Variants in BTBD3 observed in about 807,000 individuals in gnomAD.
The protein encoded by BTBD3 is BTB domain containing 3, also known as BTB/POZ domain-containing protein 3.
A neutral mutation model predicts 41.6 loss-of-function variants in BTBD3; 14 were observed. The ratio of observed to expected loss-of-function variants is 0.34; its 90% CI spans 0.22 to 0.53. The LOEUF is 0.53. BTBD3 is among the 20% of genes least tolerant of loss of function. The probability of loss-of-function intolerance (pLI) is 0.95; values close to 1 mark genes in which losing one functional copy is unlikely to be tolerated. For synonymous variants in BTBD3, 249 were observed against 233.7 expected (o/e 1.07, Z -0.60); for missense variants, 426 against 654.7 (o/e 0.65, Z 3.81).
chr20:11,894,642 C>T (rs58165741), intron 1 of BTBD3, among the ~76,000 whole-genome samples: 50,581 of 150,924 alleles, frequency 0.34, 8,583 homozygotes, highest in Non-Finnish European at 0.37. Context: ...TTTTAGTTTT[C>T]TTTTTTTTCT....
rs376799319 is a variant in BTBD3, at chr20:11,919,383, T to TC, written c.417+211dup. The TC allele has an allele frequency of 8.3e-3, 11,757 of 1,409,718 alleles. 57 individuals are homozygous for TC. The highest frequency in any genetic ancestry group is 9.9e-3 in the Non-Finnish European group (10,728 of 1,087,774). 87.3% of individuals were successfully genotyped at this position (1,409,718 alleles called of 1,614,324 possible). On this transcript the variant is annotated intron_variant, in intron 2 of 3. Transcript: ENST00000378226. ...TCTATACTGCTTTATATCTCACACA[T>TC]CCCCTCTTAACTCTCCAGACATGGG...
intron 1 of BTBD3, among the ~76,000 whole-genome samples, chr20:11,896,787 T>A (rs2056789615): frequency 6.6e-6 from 1 of 152,204 alleles, no homozygotes; most frequent in Admixed American, 6.5e-5. Flanking sequence ...TTAAATTGGA[T>A]CAAAATTTTC....
At position 11,924,044 on chromosome 20, in the gene BTBD3, C is replaced by A; in HGVS notation, c.*378C>A. On this transcript the variant is annotated 3_prime_UTR_variant, in exon 4 of 4. Coordinates refer to ENST00000378226, the MANE Select transcript of BTBD3 (RefSeq NM_014962.4). The stretch of plus-strand genomic sequence containing the variant: ...TTGATGAACAGAAATAAAGTGATAA[C>A]AAGAGTTATTTTTAAACAGAACTCC... 1 of 173,622 alleles carries A rather than the reference C, an allele frequency of 5.8e-6. No individual in the cohort carries two copies. Among genetic ancestry groups the A allele is most frequent in the Non-Finnish European group, 1.2e-5 (1 of 81,364 alleles). The allele number at this position is 173,622 out of a possible 1,614,324, so 10.8% of individuals were successfully genotyped here. A position where few individuals can be genotyped will look rare whatever the true frequency, so the allele number is the denominator to read the frequency against.
chr20:11,923,563 T>C lies in BTBD3; in HGVS notation c.1466T>C (p.Val489Ala), dbSNP rs1291432533. Residue 489 changes from valine to alanine, a missense_variant, in exon 4 of 4, where the codon GTT becomes GCT. Around this residue, in one of 3 missense-constraint regions of BTBD3, gnomAD observed 321 missense variants for 534.8 expected, o/e 0.60. Coordinates refer to ENST00000378226, the MANE Select transcript of BTBD3 (RefSeq NM_014962.4). The surrounding 1 kb of genome is among the most constrained non-coding windows in gnomAD (Gnocchi z 5.3). ...SYFGQEGMTE[V>A]QCGKVTVQFQ... is the part of the protein sequence containing the mutation. ...TTTGGACAAGAAGGCATGACAGAAG[T>C]TCAGTGTGGCAAAGTGACTGTCCAG... 5 of 1,614,114 alleles carry C rather than the reference T, an allele frequency of 3.1e-6. No individual in the cohort carries two copies. The highest frequency in any genetic ancestry group is 1.1e-5 in the South Asian group (1 of 91,068).
Position 11,924,646 on chromosome 20 carries a change from A to G in BTBD3, c.*980A>G, listed in dbSNP as rs1181648698. The G allele has an allele frequency of 6.6e-6, 1 of 152,656 alleles. No individual in the cohort carries two copies. The highest frequency in any genetic ancestry group is 2.4e-5 in the African/African-American group (1 of 41,460). The allele number at this position is 152,656 out of a possible 1,614,324, so 9.5% of individuals were successfully genotyped here. A position where few individuals can be genotyped will look rare whatever the true frequency, so the allele number is the denominator to read the frequency against. On this transcript the variant is annotated 3_prime_UTR_variant, in exon 4 of 4. Coordinates refer to ENST00000378226, the MANE Select transcript of BTBD3 (RefSeq NM_014962.4). ...AAAAGAGGACCAAACAATTCTTTAT[A>G]CAAATGGAGTAGCAACTAGTTTTGT...
chr20:11,925,119 A>AGT lies in BTBD3; in HGVS notation c.*1457_*1458dup, dbSNP rs1171457719. The AGT allele has an allele frequency of 1.3e-5, 2 of 152,646 alleles. No homozygotes were observed. The highest frequency in any genetic ancestry group is 4.8e-5 in the African/African-American group (2 of 41,422). The allele number at this position is 152,646 out of a possible 1,614,324, so 9.5% of individuals were successfully genotyped here. Reference sequence around the variant, plus strand: ...AGATGGCTTCCCCGCCGCCACCCAGAGTGTGGTCCTTGGCCGCCTCCTGCT... The same window carrying AGT: ...AGATGGCTTCCCCGCCGCCACCCAGAGTGTGTGGTCCTTGGCCGCCTCCTGCT... On this transcript the variant is annotated 3_prime_UTR_variant, in exon 4 of 4. Transcript: ENST00000378226.
intron 2 of BTBD3, chr20:11,919,442 T>G: frequency 7.1e-7 from 1 of 1,410,050 alleles, no homozygotes; most frequent in Non-Finnish European, 9.2e-7. Context: ...AGTCGTATGT[T>G]TACCCTTCTC....
rs1309199103 is a variant in BTBD3 at position 11,890,938 on chromosome 20, G to A, written c.-142G>A. On this transcript the variant is annotated 5_prime_UTR_variant, in exon 1 of 5. Coordinates refer to the BTBD3 transcript ENST00000254977. ...GGCGGACGGCTGCGTCGCCCGAGGC[G>A]AGGAGGAGCGCTGGCGGTGAGTGAG... 8 of 984,382 alleles carry A rather than the reference G, an allele frequency of 8.1e-6. No individual in the cohort carries two copies. The South Asian group carries it at 2.8e-4, about 35-fold the overall frequency. The allele number at this position is 984,382 out of a possible 1,614,324, so 61.0% of individuals were successfully genotyped here. A position where few individuals can be genotyped will look rare whatever the true frequency, so the allele number is the denominator to read the frequency against.
intron 1 of BTBD3, among the ~76,000 whole-genome samples, chr20:11,906,632 C>CA (rs1334373750): frequency 6.6e-6 from 1 of 152,132 alleles, no homozygotes. Flanking sequence ...GTAAAAAAGT[C>CA]AAACACCTGA....
intron 1 of BTBD3, among the ~76,000 whole-genome samples, chr20:11,897,063 T>G (rs2056791268): frequency 6.6e-6 from 1 of 152,184 alleles, no homozygotes; most frequent in African/African-American, 2.4e-5. Flanking sequence ...TGCCTTCCCT[T>G]CTATACCGCT....
rs1395237383 is a variant in BTBD3 at position 11,922,835 on chromosome 20, G to A, written c.738G>A (p.Glu246=). Residue 246 remains glutamate, a synonymous_variant, in exon 4 of 4, where the codon GAG becomes GAA. Coordinates refer to ENST00000378226, the MANE Select transcript of BTBD3 (RefSeq NM_014962.4). ...CAGACCTGACCCAGCGTTGCTGGGAGGTGATTGATGCCCAGGCTGAGTTAG... is the reference window on the plus strand; with the variant it reads ...CAGACCTGACCCAGCGTTGCTGGGAAGTGATTGATGCCCAGGCTGAGTTAG... ...EEPDLTQRCW[E]VIDAQAELAL... The A allele has an allele frequency of 5.0e-6, 8 of 1,614,102 alleles. No individual in the cohort carries two copies. The highest frequency in any genetic ancestry group is 2.2e-5 in the East Asian group (1 of 44,886).
At chr20:11,906,429 A>T (rs1171879413) in intron 1 of BTBD3, among the ~76,000 whole-genome samples, 1 of 151,416 alleles carries the variant, frequency 6.6e-6, no homozygotes, top group Non-Finnish European at 1.5e-5. Flanking sequence ...ACACCTGGCT[A>T]ATTTTTGTAT....
rs1393376472 is a variant in BTBD3, at chr20:11,918,561, G to A, written c.286G>A (p.Ala96Thr). The part of the protein sequence containing the change: ...QNLSNNNLIP[A>T]PNWQGLYPTI... ...TCTCAGTAACAACAACCTTATCCCG[G>A]CCCCAAACTGGCAGGGTCTTTATCC... Residue 96 changes from alanine (A) to threonine (T), a missense_variant, in exon 1 of 4, where the codon GCC (alanine) becomes ACC (threonine). Transcript: ENST00000378226. 1.2e-6 allele frequency: 2 copies of A among 1,612,618 alleles called. No individual in the cohort carries two copies. Among genetic ancestry groups the A allele is most frequent in the East Asian group, 2.2e-5 (1 of 44,884 alleles).
chr20:11,902,218 GAAAAT>G (rs1258045094), intron 1 of BTBD3, among the ~76,000 whole-genome samples: 2 of 151,954 alleles, frequency 1.3e-5, no homozygotes, highest in Non-Finnish European at 2.9e-5. Flanking sequence ...ATAAACTAGG[GAAAAT>G]AATATATTAT....
At chr20:11,909,057 A>G (rs970136967) in intron 1 of BTBD3, among the ~76,000 whole-genome samples, 1 of 151,994 alleles carries the variant, frequency 6.6e-6, no homozygotes. Flanking sequence ...GGTGGATCAC[A>G]TGAGGTCGGG....
chr20:11,905,946 A>C (rs2056850807), intron 1 of BTBD3, among the ~76,000 whole-genome samples: 1 of 152,206 alleles, frequency 6.6e-6, no homozygotes, highest in Admixed American at 6.5e-5. Flanking sequence ...CATACTTTTA[A>C]GTCATATACA....
chr20:11,915,398 A>G (rs1395594971), upstream of BTBD3, among the ~76,000 whole-genome samples: 2 of 152,186 alleles, frequency 1.3e-5, no homozygotes, highest in African/African-American at 4.8e-5. Context: ...GTTATTTTCA[A>G]TTCACTTAAT....
intron 1 of BTBD3, among the ~76,000 whole-genome samples, chr20:11,912,582 G>A (rs1477621747): frequency 6.6e-6 from 1 of 152,186 alleles, no homozygotes; most frequent in Non-Finnish European, 1.5e-5. Context: ...GTACAAGGAT[G>A]AGGAGCTAGA....
intron 1 of BTBD3, among the ~76,000 whole-genome samples, chr20:11,893,898 T>C (rs2056771143): frequency 6.6e-6 from 1 of 152,264 alleles, no homozygotes; most frequent in African/African-American, 2.4e-5. Flanking sequence ...TTATTTAATA[T>C]GAAGTAAATA....
Sources: gnomAD v4.1 joint callset for allele counts (sites outside exome capture counted in the v4.1 genomes callset) on GRCh38, gnomAD v4.1.1 for gene constraint, gnomAD v4.1.1 regional missense constraint, Gnocchi (gnomAD v3.1) non-coding constraint, MANE v1.5 for transcripts, NCBI Gene and HGNC (gene_info 2026-07-23, HGNC 2026-07-21) for gene names.